Variants in PTH2R observed in about 807,000 individuals in gnomAD.
The protein encoded by PTH2R is PTH2 receptor.
Under a neutral mutation model 60.3 loss-of-function variants are expected in PTH2R, and 59 were observed. The ratio of observed to expected loss-of-function variants is 0.98; its 90% CI spans 0.79 to 1.22. PTH2R has a LOEUF of 1.22. Among genes scored for constraint, PTH2R ranks in the 50% most tolerant of loss-of-function variants. PTH2R has a pLI of 0.00. For synonymous variants in PTH2R, 256 were observed against 243.8 expected, an observed-to-expected ratio of 1.05 and a Z score of -0.47; for missense variants, 749 against 682.6, an observed-to-expected ratio of 1.10 and a Z score of -1.08.
intron 10 of PTH2R, 62 bp from the exon 11 acceptor site, chr2:208,488,950 A>C: frequency 6.3e-7 from 1 of 1,588,774 alleles, no homozygotes; most frequent in Non-Finnish European, 8.6e-7. Context: ...TTCCTCCAGC[A>C]CGCTGTCTTT....
chr2:208,431,838 T>G (rs747374761), intron 2 of PTH2R, among the ~76,000 whole-genome samples: 3 of 152,186 alleles, frequency 2.0e-5, no homozygotes, highest in Non-Finnish European at 4.4e-5. Flanking sequence ...GCCTCTAAGG[T>G]AAACCCCAAA....
intron 2 of PTH2R, among the ~76,000 whole-genome samples, chr2:208,434,618 A>G (rs1702037940): frequency 1.3e-5 from 2 of 152,160 alleles, no homozygotes; most frequent in Non-Finnish European, 2.9e-5. Flanking sequence ...TGCAGCATAC[A>G]TTTTGGAGGG....
chr2:208,477,584 C>G (rs1464409010), intron 9 of PTH2R, among the ~76,000 whole-genome samples: 1 of 152,020 alleles, frequency 6.6e-6, no homozygotes, highest in Non-Finnish European at 1.5e-5. Context: ...AAAAAAACCC[C>G]TCTACCCCAA....
intron 9 of PTH2R, among the ~76,000 whole-genome samples, chr2:208,479,704 T>C: frequency 6.6e-6 from 1 of 152,208 alleles, no homozygotes; most frequent in Non-Finnish European, 1.5e-5. Context: ...CTTTTTGTCC[T>C]CCTGAACAGA....
intron 1 of PTH2R, among the ~76,000 whole-genome samples, chr2:208,392,360 C>G (rs1367565266): frequency 1.3e-5 from 2 of 152,138 alleles, no homozygotes; most frequent in African/African-American, 2.4e-5. Context: ...GGCTTCTAGC[C>G]CTTTCCTAGC....
chr2:208,476,726 G>A (rs1215198444), intron 9 of PTH2R, among the ~76,000 whole-genome samples: 2 of 152,140 alleles, frequency 1.3e-5, no homozygotes, highest in South Asian at 2.1e-4. Flanking sequence ...ATCTCTCTTG[G>A]CTGCCCTGAT....
chr2:208,488,562 C>T lies in PTH2R; in HGVS notation c.1077-450C>T, dbSNP rs148161329. On this transcript the variant is annotated intron_variant, in intron 10 of 12. Coordinates refer to ENST00000272847, the MANE Select transcript of PTH2R (RefSeq NM_005048.4). ...AAGACTGGAGAGATTTAGGGGCTAG[C>T]AATTACAGGGAGTGAGAATAAACTA... Among the ~76,000 whole-genome samples the T allele has an allele frequency of 4.1e-3, 623 of 151,920 alleles. 2 individuals are homozygous for T. Among genetic ancestry groups the T allele is most frequent in the Non-Finnish European group, 6.4e-3 (432 of 67,976 alleles).
chr2:208,420,299 A>G (rs1002676434), intron 1 of PTH2R, among the ~76,000 whole-genome samples: 1 of 152,066 alleles, frequency 6.6e-6, no homozygotes, highest in South Asian at 2.1e-4. Context: ...TAAAAAAAAA[A>G]GAAAAAAAAA....
At chr2:208,375,571 G>A (rs559906591) in intron 1 of PTH2R, among the ~76,000 whole-genome samples, 2 of 152,226 alleles carry the variant, frequency 1.3e-5, no homozygotes, top group South Asian at 4.1e-4. Flanking sequence ...TTAGAATAAA[G>A]TGGCCAGAAG....
chr2:208,417,120 T>G (rs146338460), intron 1 of PTH2R, among the ~76,000 whole-genome samples: 3 of 152,330 alleles, frequency 2.0e-5, no homozygotes, highest in African/African-American at 7.2e-5. Context: ...ACTTTTGTTT[T>G]TCTTTTTTAG....
intron 1 of PTH2R, among the ~76,000 whole-genome samples, chr2:208,423,974 ACACCTATGGT>A (rs1701806373): frequency 6.6e-6 from 1 of 152,126 alleles, no homozygotes; most frequent in South Asian, 2.1e-4. Flanking sequence ...GCTATCACTG[ACACCTATGGT>A]GGGCTGCTCC....
intron 1 of PTH2R, among the ~76,000 whole-genome samples, chr2:208,385,196 CTG>C (rs1342391407): frequency 3.3e-5 from 5 of 152,070 alleles, no homozygotes; most frequent in East Asian, 3.8e-4. Context: ...TTCCAAGAAA[CTG>C]TGTTTTTAAA....
chr2:208,387,249 T>C (rs190302881), intron 1 of PTH2R, among the ~76,000 whole-genome samples: 1 of 152,314 alleles, frequency 6.6e-6, no homozygotes, highest in Non-Finnish European at 1.5e-5. Context: ...AAAGAACATA[T>C]ATTTTGTTTT....
intron 1 of PTH2R, among the ~76,000 whole-genome samples, chr2:208,398,326 G>T (rs1256045537): frequency 6.6e-6 from 1 of 152,214 alleles, no homozygotes. Flanking sequence ...TTAAGGATCT[G>T]ATGCCAGAAT....
chr2:208,474,156 A>T (rs1177458147), intron 9 of PTH2R, among the ~76,000 whole-genome samples: 2 of 152,220 alleles, frequency 1.3e-5, no homozygotes, highest in African/African-American at 2.4e-5. Flanking sequence ...AAGTTTTCTA[A>T]AAAGGAAATT....
intron 9 of PTH2R, among the ~76,000 whole-genome samples, chr2:208,479,297 TA>T (rs1447888977): frequency 6.6e-6 from 1 of 152,172 alleles, no homozygotes; most frequent in African/African-American, 2.4e-5. Context: ...GGTCTTTTAA[TA>T]AGGTGAAGCT....
At chr2:208,456,024 A>C (rs1055148591) in intron 8 of PTH2R, among the ~76,000 whole-genome samples, 4 of 152,176 alleles carry the variant, frequency 2.6e-5, no homozygotes, top group Non-Finnish European at 2.9e-5. Flanking sequence ...TGATCCCTTG[A>C]GGCCAGGGGT....
chr2:208,386,136 A>G (rs147179535), intron 1 of PTH2R, among the ~76,000 whole-genome samples: 1 of 152,250 alleles, frequency 6.6e-6, no homozygotes, highest in East Asian at 1.9e-4. Context: ...TGTCCCAATA[A>G]CCTTATTCTA....
chr2:208,396,791 C>A (rs545821657), intron 1 of PTH2R, among the ~76,000 whole-genome samples: 1 of 152,106 alleles, frequency 6.6e-6, no homozygotes, highest in Non-Finnish European at 1.5e-5. Flanking sequence ...TTTGACCCAG[C>A]GATCCCATTA....
Sources: gnomAD v4.1 joint callset for allele counts (sites outside exome capture counted in the v4.1 genomes callset) on GRCh38, gnomAD v4.1.1 for gene constraint, MANE v1.5 for transcripts, NCBI Gene and HGNC (gene_info 2026-07-23, HGNC 2026-07-21) for gene names.